The following EBF2 variants were observed in gnomAD, a reference collection of about 807,000 sequenced individuals.
The protein encoded by EBF2 is EBF transcription factor 2.
Under a neutral mutation model 72.8 loss-of-function variants are expected in EBF2, and 21 were observed. The observed-to-expected ratio is 0.29, with a 90% CI of 0.20 to 0.42. The LOEUF is 0.42. Ranked by LOEUF, EBF2 falls within the 10% of genes least tolerant of loss-of-function variation. EBF2 has a pLI of 1.00. For missense variants in EBF2, 637 were observed against 731.2 expected, an observed-to-expected ratio of 0.87 and a Z score of 1.49; for synonymous variants, 299 against 274.2, an observed-to-expected ratio of 1.09 and a Z score of -0.89.
intron 6 of EBF2, among the ~76,000 whole-genome samples, chr8:25,951,396 T>C (rs550584131): frequency 6.6e-6 from 1 of 152,244 alleles, no homozygotes; most frequent in African/African-American, 2.4e-5. Context: ...AGTCCTTTTT[T>C]CTCTGCTCCA....
At chr8:25,896,173 A>G (rs1339109056) in intron 7 of EBF2, among the ~76,000 whole-genome samples, 1 of 152,252 alleles carries the variant, frequency 6.6e-6, no homozygotes, top group African/African-American at 2.4e-5. Context: ...TCTTTGAAAC[A>G]GACGACAATT....
chr8:25,987,434 C>T (rs572229724), intron 6 of EBF2, among the ~76,000 whole-genome samples: 103 of 152,196 alleles, frequency 6.8e-4, no homozygotes, highest in African/African-American at 2.4e-3. Context: ...CTCCAGAGTC[C>T]TTCTCTTCAT....
At chr8:25,882,806 A>G (rs1802625969) in intron 10 of EBF2, among the ~76,000 whole-genome samples, 1 of 152,250 alleles carries the variant, frequency 6.6e-6, no homozygotes, top group African/African-American at 2.4e-5. Flanking sequence ...TTGTAATGTC[A>G]GGAAGGTGGG....
chr8:26,036,057 T>TG (rs775090141), intron 5 of EBF2, among the ~76,000 whole-genome samples: 11 of 152,180 alleles, frequency 7.2e-5, no homozygotes, highest in Non-Finnish European at 1.2e-4. Flanking sequence ...ATCACCAGCA[T>TG]GTCAACCTAA....
chr8:26,033,805 C>A (rs1217273302), intron 5 of EBF2, among the ~76,000 whole-genome samples: 1 of 151,952 alleles, frequency 6.6e-6, no homozygotes, highest in Non-Finnish European at 1.5e-5. Context: ...CAACTATAAG[C>A]TACTTGAGGG....
chr8:26,040,773 G>T, intron 3 of EBF2, 102 bp from the exon 4 acceptor site: 2 of 1,495,390 alleles, frequency 1.3e-6, no homozygotes, highest in Non-Finnish European at 1.8e-6. Flanking sequence ...GCCTCTCCAT[G>T]CTGAGCCGCC....
chr8:26,040,042 G>A lies in EBF2; in HGVS notation c.468C>T (p.His156=), dbSNP rs779324258. 2 of 1,613,988 alleles carry A rather than the reference G, an allele frequency of 1.2e-6. No individual in the cohort carries two copies. The highest frequency in any genetic ancestry group is 2.2e-5 in the South Asian group (2 of 91,072). ...NPEMCRVLLT[H]EVMCSRCCEK... is the part of the protein sequence containing the mutation. ...GCGGCTCTTACCTACACATCACTTC[G>A]TGCGTCAGGAGAACTCGGCACATTT... Residue 156 remains histidine, a synonymous_variant, in exon 5 of 16, where the codon CAC becomes CAT. Coordinates refer to ENST00000520164, the MANE Select transcript of EBF2 (RefSeq NM_022659.4).
intron 6 of EBF2, among the ~76,000 whole-genome samples, chr8:25,951,574 A>T (rs191422401): frequency 6.6e-6 from 1 of 152,326 alleles, no homozygotes; most frequent in Non-Finnish European, 1.5e-5. Context: ...CCTTTTAGAC[A>T]AAGAGGACTC....
chr8:25,943,226 G>T (rs1464846956), intron 6 of EBF2, among the ~76,000 whole-genome samples: 1 of 151,180 alleles, frequency 6.6e-6, no homozygotes, highest in Non-Finnish European at 1.5e-5. Context: ...CAGGGTTTTG[G>T]GAGGCCAAGG....
intron 14 of EBF2, among the ~76,000 whole-genome samples, chr8:25,852,373 A>C (rs1016637577): frequency 6.6e-6 from 1 of 152,170 alleles, no homozygotes; most frequent in African/African-American, 2.4e-5. Flanking sequence ...TTAGAAGCCA[A>C]AGAAAAGCTG....
At position 26,042,143 on chromosome 8, in the gene EBF2, C is replaced by T. The variant is rs373751350; in HGVS notation, c.240G>A (p.Pro80=). The T allele has an allele frequency of 1.4e-5, 22 of 1,614,012 alleles. No individual in the cohort carries two copies. In the East Asian group the frequency reaches 2.2e-4, roughly 16 times the overall value. The part of the protein sequence containing the change: ...VLALYDRQGQ[P]VEIERTAFVD... ...CGAAGGCCGTCCGCTCGATCTCCAC[C>T]GGCTGGCCCTGCCTGTCATAGAGCG... The change falls in exon 2 of 16, where the codon CCG becomes CCA. Residue 80 remains proline (P), a synonymous_variant. Transcript: ENST00000520164.
Position 26,044,819 on chromosome 8 carries a change from A to G in EBF2, c.41T>C (p.Leu14Pro). 6.2e-7 allele frequency: 1 copy of G among 1,614,162 alleles called. No individual in the cohort carries two copies. The highest frequency in any genetic ancestry group is 8.5e-7 in the Non-Finnish European group (1 of 1,180,036). The change falls in exon 1 of 16, where the codon CTG (leucine) becomes CCG (proline). Residue 14 changes from leucine to proline, a missense_variant. This residue lies in a region of EBF2 where 174 missense variants were observed against 161.9 expected (regional missense o/e 1.07). Transcript: ENST00000520164. This position sits in a 1 kb window ranked among gnomAD's most constrained non-coding sequence, Gnocchi z 4.1. ...IQDTLGRGPTLKEKSLGAEMD... is the reference protein window; with the variant it reads ...IQDTLGRGPTPKEKSLGAEMD... ...CTCCGCGCCCAGCGATTTCTCTTTCAGAGTTGGTCCTCTTCCTAAAGTATC... is the reference window on the plus strand; with the variant it reads ...CTCCGCGCCCAGCGATTTCTCTTTCGGAGTTGGTCCTCTTCCTAAAGTATC...
intron 6 of EBF2, among the ~76,000 whole-genome samples, chr8:26,012,935 G>A (rs989641555): frequency 3.3e-5 from 5 of 152,158 alleles, no homozygotes; most frequent in Non-Finnish European, 4.4e-5. Flanking sequence ...TAGATGCCAA[G>A]GATAAACAAA....
chr8:25,957,204 A>G (rs991020200), intron 6 of EBF2, among the ~76,000 whole-genome samples: 2 of 152,174 alleles, frequency 1.3e-5, no homozygotes, highest in East Asian at 3.9e-4. Context: ...TTCCCCCCCA[A>G]GAGCAAATCT....
chr8:25,965,909 C>T (rs1251871170), intron 6 of EBF2, among the ~76,000 whole-genome samples: 1 of 152,260 alleles, frequency 6.6e-6, no homozygotes, highest in Non-Finnish European at 1.5e-5. Context: ...TTTCCTCTGC[C>T]AGGGCATCAG....
chr8:25,847,285 C>T (rs1055000238), intron 15 of EBF2, among the ~76,000 whole-genome samples: 1 of 152,156 alleles, frequency 6.6e-6, no homozygotes, highest in Non-Finnish European at 1.5e-5. Flanking sequence ...AGGCACTCAG[C>T]CCACATTGTC....
At chr8:26,005,034 T>G (rs1170404039) in intron 6 of EBF2, among the ~76,000 whole-genome samples, 1 of 150,290 alleles carries the variant, frequency 6.7e-6, no homozygotes, top group African/African-American at 2.5e-5. Context: ...AAGAAGATCA[T>G]TGAGGTACAA....
chr8:25,844,546 T>G lies in EBF2; in HGVS notation c.*63A>C. ...ACTACACCCCCAAAAGAGCTCCTAGTGCTTTCTTCATTATTGGTCCATCAG... is the reference window on the plus strand; with the variant it reads ...ACTACACCCCCAAAAGAGCTCCTAGGGCTTTCTTCATTATTGGTCCATCAG... On this transcript the variant is annotated 3_prime_UTR_variant, in exon 16 of 16. Transcript: ENST00000520164. The G allele has an allele frequency of 6.3e-7, 1 of 1,593,728 alleles. No individual in the cohort carries two copies.
At chr8:25,946,647 C>T (rs894342142) in intron 6 of EBF2, among the ~76,000 whole-genome samples, 5 of 152,130 alleles carry the variant, frequency 3.3e-5, no homozygotes, top group South Asian at 2.1e-4. Context: ...CTGTGCATCA[C>T]GGGAGAAACC....
Sources: allele counts gnomAD v4.1 joint callset (sites outside exome capture counted in the v4.1 genomes callset), GRCh38; gene constraint gnomAD v4.1.1; regional missense constraint gnomAD v4.1.1; non-coding constraint Gnocchi (gnomAD v3.1); transcripts MANE v1.5; gene names NCBI Gene and HGNC (gene_info 2026-07-23, HGNC 2026-07-21).